The following CEP128 variants were observed in gnomAD, a reference collection of about 807,000 sequenced individuals.
CEP128 encodes centrosomal protein 128kDa.
CEP128 carries 132 observed loss-of-function variants against 156.7 expected under a neutral mutation model. The ratio of observed to expected loss-of-function variants is 0.84; its 90% CI spans 0.73 to 0.97. The LOEUF is 0.97. Among genes scored for constraint, CEP128 ranks in the 50% least tolerant of loss-of-function variants. The pLI is 0.00. For synonymous variants in CEP128, 469 were observed against 448.9 expected, an observed-to-expected ratio of 1.04 and a Z score of -0.57; for missense variants, 1,252 against 1,281.9, an observed-to-expected ratio of 0.98 and a Z score of 0.36.
In CEP128 at chr14:80,924,560, C is replaced by T. The variant is rs1453833615; in HGVS notation, c.-15-7998G>A. Among the ~76,000 whole-genome samples the T allele has an allele frequency of 7.9e-5, 12 of 151,982 alleles. No homozygotes were observed. The South Asian group carries it at 2.1e-3, about 26-fold the overall frequency. ...CTTGGGGAGTCAGGTTAGGATTTTT[C>T]CACTCATCTTGAAGGATGCACATAA... On this transcript the variant is annotated intron_variant, in intron 2 of 24. Transcript: ENST00000555265.
intron 13 of CEP128, among the ~76,000 whole-genome samples, chr14:80,828,258 G>C (rs1885592206): frequency 6.6e-6 from 1 of 151,692 alleles, no homozygotes; most frequent in Admixed American, 6.6e-5. Context: ...AAGTAGCTAG[G>C]ATTACAGGCA....
intron 16 of CEP128, among the ~76,000 whole-genome samples, chr14:80,768,308 G>C (rs145263615): frequency 6.6e-6 from 1 of 152,154 alleles, no homozygotes; most frequent in African/African-American, 2.4e-5. Flanking sequence ...CCTGGAAGTG[G>C]TAAGAAGTAT....
chr14:80,523,570 G>A (rs896043871), intron 23 of CEP128, among the ~76,000 whole-genome samples: 1 of 152,130 alleles, frequency 6.6e-6, no homozygotes, highest in Admixed American at 6.6e-5. Context: ...GATTAATGCT[G>A]TGTTTAGAAA....
At chr14:80,711,126 G>A (rs1354075575) in intron 19 of CEP128, among the ~76,000 whole-genome samples, 2 of 152,016 alleles carry the variant, frequency 1.3e-5, no homozygotes, top group Admixed American at 6.6e-5. Context: ...TGTTTCTATA[G>A]ATCGAGTTAA....
chr14:80,552,861 T>C (rs1890266007), intron 21 of CEP128, among the ~76,000 whole-genome samples: 1 of 152,192 alleles, frequency 6.6e-6, no homozygotes, highest in Non-Finnish European at 1.5e-5. Flanking sequence ...TTTCACTCTT[T>C]TTATGTTGTA....
At chr14:80,484,022 G>A (rs1366853930) in intron 14 of CEP128, among the ~76,000 whole-genome samples, 3 of 151,806 alleles carry the variant, frequency 2.0e-5, no homozygotes, top group Non-Finnish European at 4.4e-5. Context: ...TGTTGCCTAG[G>A]CTAGAGTGCA....
rs550796949 is a variant in CEP128 at position 80,701,552 on chromosome 14, A to AT, written c.2806+41522dup. Among the ~76,000 whole-genome samples the AT allele has an allele frequency of 9.0e-4, 137 of 152,308 alleles. 1 individual carries two copies. Among genetic ancestry groups the AT allele is most frequent in the African/African-American group, 3.2e-3 (133 of 41,566 alleles). Reference sequence around the variant, plus strand: ...ATCTTCTCTCCTGCCTCAAAGATGCATAAGCTGTCCTCTTCCTGGGCATCA... The same window carrying AT: ...ATCTTCTCTCCTGCCTCAAAGATGCATTAAGCTGTCCTCTTCCTGGGCATCA... On this transcript the variant is annotated intron_variant, in intron 19 of 24. Transcript: ENST00000555265.
At chr14:80,866,571 C>A (rs759750179) in intron 8 of CEP128, among the ~76,000 whole-genome samples, 1 of 152,204 alleles carries the variant, frequency 6.6e-6, no homozygotes, top group Non-Finnish European at 1.5e-5. Flanking sequence ...AGCAGCAAAG[C>A]TCATTAATGA....
At chr14:80,601,648 T>C (rs1033869721) in intron 19 of CEP128, among the ~76,000 whole-genome samples, 2 of 152,178 alleles carry the variant, frequency 1.3e-5, no homozygotes, top group Non-Finnish European at 2.9e-5. Context: ...TACAGCACGT[T>C]ACTGTACAGC....
chr14:80,708,413 A>G lies in CEP128; in HGVS notation c.2806+34662T>C, dbSNP rs141838366. 6.1e-3 allele frequency among the ~76,000 whole-genome samples: 922 copies of G among 152,274 alleles called. 8 individuals carry two copies. The highest frequency in any genetic ancestry group is 0.021 in the African/African-American group (867 of 41,574). ...TTGGATTTTTTAATAAGTTGTTTAT[A>G]TATTAGGGATATGGGAATATCACCT... is the stretch of plus-strand genomic sequence containing the variant. On this transcript the variant is annotated intron_variant, in intron 19 of 24. Coordinates refer to ENST00000555265, the MANE Select transcript of CEP128 (RefSeq NM_152446.5).
intron 14 of CEP128, among the ~76,000 whole-genome samples, chr14:80,479,208 C>T (rs1035881734): frequency 6.6e-6 from 1 of 152,114 alleles, no homozygotes; most frequent in African/African-American, 2.4e-5. Context: ...TAATCTTATG[C>T]TATTTTTAAG....
At chr14:80,600,155 A>G (rs1892520756) in intron 19 of CEP128, among the ~76,000 whole-genome samples, 1 of 152,148 alleles carries the variant, frequency 6.6e-6, no homozygotes, top group Non-Finnish European at 1.5e-5. Context: ...GCAAAATGAC[A>G]CTCCCATAAG....
chr14:80,897,345 T>C (rs1443069223), intron 7 of CEP128, among the ~76,000 whole-genome samples: 1 of 152,204 alleles, frequency 6.6e-6, no homozygotes, highest in Non-Finnish European at 1.5e-5. Flanking sequence ...CCCTATAGTT[T>C]CTCTCTTGGT....
At chr14:80,895,117 C>T (rs1159396623) in intron 8 of CEP128, among the ~76,000 whole-genome samples, 3 of 151,998 alleles carry the variant, frequency 2.0e-5, no homozygotes, top group Non-Finnish European at 4.4e-5. Flanking sequence ...ACTATATAGA[C>T]TGTATTTTTT....
At chr14:80,954,486 G>A in intron 2 of CEP128, among the ~76,000 whole-genome samples, 1 of 152,132 alleles carries the variant, frequency 6.6e-6, no homozygotes, top group East Asian at 1.9e-4. Flanking sequence ...TTTGATAAAT[G>A]TATACATCCA....
intron 16 of CEP128, among the ~76,000 whole-genome samples, chr14:80,773,172 T>C (rs999740170): frequency 6.6e-6 from 1 of 152,182 alleles, no homozygotes; most frequent in Non-Finnish European, 1.5e-5. Context: ...TACCTATAAT[T>C]TCTCAGATTC....
intron 13 of CEP128, chr14:80,830,368 T>A: frequency 2.4e-6 from 1 of 408,518 alleles, no homozygotes; most frequent in Non-Finnish European, 4.4e-6. Flanking sequence ...TAACACTAAT[T>A]TTCTACCTTT....
In CEP128 at chr14:80,841,288, T is replaced by C. The variant is rs1175215203; in HGVS notation, c.763-520A>G. Among the ~76,000 whole-genome samples, 10 of 152,062 alleles carry C rather than the reference T, an allele frequency of 6.6e-5. No homozygotes were observed. In the South Asian group the frequency reaches 1.0e-3, roughly 16 times the overall value. ...TAGTGTTTAGACTTAGCAAGGTGTA[T>C]GTGTAAAGTCCATACAGCTTGTGAA... On this transcript the variant is annotated intron_variant, in intron 9 of 24. Coordinates refer to ENST00000555265, the MANE Select transcript of CEP128 (RefSeq NM_152446.5).
intron 2 of CEP128, among the ~76,000 whole-genome samples, chr14:80,952,719 CTTCT>C (rs1188975310): frequency 6.6e-6 from 1 of 151,816 alleles, no homozygotes; most frequent in African/African-American, 2.4e-5. Flanking sequence ...CAAAAATTTG[CTTCT>C]TTGAGAATAT....
Sources: allele counts gnomAD v4.1 joint callset (sites outside exome capture counted in the v4.1 genomes callset), GRCh38; gene constraint gnomAD v4.1.1; transcripts MANE v1.5; gene names NCBI Gene and HGNC (gene_info 2026-07-23, HGNC 2026-07-21).